TMCC3: variants seen among roughly 807,000 people sequenced by gnomAD.
The protein encoded by TMCC3 is transmembrane and coiled-coil domain protein 3.
Under a neutral mutation model 40.2 loss-of-function variants are expected in TMCC3, and 28 were observed. The observed-to-expected ratio is 0.70, with a 90% CI of 0.52 to 0.95. The LOEUF (loss-of-function observed/expected upper bound fraction) is 0.95, where lower values mean the gene tolerates loss of function less well. Ranked by LOEUF, TMCC3 falls within the 40% of genes least tolerant of loss-of-function variation. The pLI, the probability that TMCC3 is intolerant of heterozygous loss-of-function variation, is 0.00. For synonymous variants in TMCC3, 255 were observed against 248.5 expected (o/e 1.03, Z -0.25); for missense variants, 554 against 615.2 (o/e 0.90, Z 1.05).
At chr12:94,604,145 A>G (rs947519515) in intron 1 of TMCC3, among the ~76,000 whole-genome samples, 3 of 152,248 alleles carry the variant, frequency 2.0e-5, no homozygotes, top group African/African-American at 4.8e-5. Flanking sequence ...AAAATATGCA[A>G]TTTAGAATTC....
intron 1 of TMCC3, among the ~76,000 whole-genome samples, chr12:94,636,870 A>G (rs564051123): frequency 2.0e-5 from 3 of 152,366 alleles, no homozygotes; most frequent in East Asian, 3.9e-4. Context: ...CCCAAGCTTA[A>G]GAAGAGATTG....
intron 1 of TMCC3, among the ~76,000 whole-genome samples, chr12:94,621,045 A>AAT (rs1282647620): frequency 2.6e-5 from 4 of 152,204 alleles, no homozygotes; most frequent in African/African-American, 9.7e-5. Flanking sequence ...GGACACATTG[A>AAT]ATCTTCTGTA....
intron 1 of TMCC3, among the ~76,000 whole-genome samples, chr12:94,585,521 CCT>C (rs2068633116): frequency 1.3e-5 from 2 of 152,038 alleles, no homozygotes; most frequent in Admixed American, 1.3e-4. Context: ...ACGGTGAAAC[CCT>C]GTCTCTACTA....
chr12:94,590,260 A>AT (rs72186655), intron 1 of TMCC3, among the ~76,000 whole-genome samples: 7,062 of 85,262 alleles, frequency 0.083, 615 homozygotes, highest in African/African-American at 0.21. Flanking sequence ...CGCCCTGCTA[A>AT]TTTTTTTTTT....
intron 1 of TMCC3, among the ~76,000 whole-genome samples, chr12:94,628,702 T>C (rs1349087530): frequency 1.3e-5 from 2 of 152,208 alleles, no homozygotes; most frequent in Non-Finnish European, 2.9e-5. Context: ...CTGCCAGCTC[T>C]AAACTCATCC....
At position 94,570,610 on chromosome 12, in the gene TMCC3, T is replaced by A. The variant is rs1388443497; in HGVS notation, c.*825A>T. 1 of 152,580 alleles carries A rather than the reference T, an allele frequency of 6.6e-6. No homozygotes were observed. The highest frequency in any genetic ancestry group is 2.4e-5 in the African/African-American group (1 of 41,442). The allele number at this position is 152,580 out of a possible 1,614,324, so 9.5% of individuals were successfully genotyped here. On this transcript the variant is annotated 3_prime_UTR_variant, in exon 4 of 4. Transcript: ENST00000261226. ...CCTGTCTCAAAAAAGAAAAAAGATTTGCCAAAACACAAACCTTCAGAGTAG... is the reference window on the plus strand; with the variant it reads ...CCTGTCTCAAAAAAGAAAAAAGATTAGCCAAAACACAAACCTTCAGAGTAG...
At chr12:94,624,653 G>T (rs980462697) in intron 1 of TMCC3, among the ~76,000 whole-genome samples, 3 of 152,052 alleles carry the variant, frequency 2.0e-5, no homozygotes, top group Non-Finnish European at 2.9e-5. Flanking sequence ...GGCAGAGGTT[G>T]CAGTGAGCCG....
intron 1 of TMCC3, among the ~76,000 whole-genome samples, chr12:94,610,909 G>A (rs1330675830): frequency 1.3e-5 from 2 of 152,100 alleles, no homozygotes; most frequent in South Asian, 2.1e-4. Context: ...ATAGGACTGG[G>A]AATCTGCAGA....
chr12:94,625,074 C>G (rs919834946), intron 1 of TMCC3, among the ~76,000 whole-genome samples: 1 of 139,590 alleles, frequency 7.2e-6, no homozygotes, highest in African/African-American at 2.7e-5. Context: ...TCCGGGAGGC[C>G]AAGGTTGCAG....
Position 94,571,492 on chromosome 12 carries a change from A to G in TMCC3, c.1377T>C (p.Phe459=). ...ACAGGATATGGTCCCAGTTTTTACA[A>G]AATATAGCAAGAAGAGTCACGGCAA... ...TFFAVTLLAI[F]CKNWDHILCA... The change falls in exon 4 of 4, where the codon TTT becomes TTC. Residue 459 remains phenylalanine, a synonymous_variant. Coordinates refer to ENST00000261226, the MANE Select transcript of TMCC3 (RefSeq NM_020698.4). 1 of 1,614,050 alleles carries G rather than the reference A, an allele frequency of 6.2e-7. No homozygotes were observed. Among genetic ancestry groups the G allele is most frequent in the South Asian group, 1.1e-5 (1 of 91,078 alleles).
Position 94,582,084 on chromosome 12 carries a change from G to A in TMCC3, c.533C>T (p.Pro178Leu), listed in dbSNP as rs2068606549. Residue 178 changes from proline to leucine, a missense_variant, in exon 2 of 4, where the codon CCC becomes CTC. Transcript: ENST00000261226. The stretch of plus-strand genomic sequence containing the variant: ...CGATTTGCTGCTCTCCATGCAATGG[G>A]GGGCAGTTCGAGATTTCACGTGGGC... ...KDAHVKSRTAPHCMESSKSGM... is the reference protein window; with the variant it reads ...KDAHVKSRTALHCMESSKSGM... 6.2e-7 allele frequency: 1 copy of A among 1,614,174 alleles called. No individual in the cohort carries two copies. The highest frequency in any genetic ancestry group is 1.1e-5 in the South Asian group (1 of 91,076).
At chr12:94,583,200 G>T (rs2068617422) in intron 1 of TMCC3, among the ~76,000 whole-genome samples, 1 of 150,006 alleles carries the variant, frequency 6.7e-6, no homozygotes, top group African/African-American at 2.4e-5. Flanking sequence ...AAAAAAAAAG[G>T]CCGGGGGGTG....
At chr12:94,647,936 G>A (rs146220242) in intron 1 of TMCC3, among the ~76,000 whole-genome samples, 14 of 152,270 alleles carry the variant, frequency 9.2e-5, no homozygotes, top group Admixed American at 2.6e-4. Flanking sequence ...ATTCCTCGCT[G>A]TCTCAACAAT....
In TMCC3 at chr12:94,578,535, A is replaced by C. The variant is rs746158337; in HGVS notation, c.996-6T>G. ...GGTCCTCCAGTCGCTCATACCTTTA[A>C]AAGAGAGGAGCCGATTCCCAGTGTG... On this transcript the variant is annotated splice_polypyrimidine_tract_variant and splice_region_variant and intron_variant, in intron 2 of 3. Transcript: ENST00000261226. 3 of 1,612,038 alleles carry C rather than the reference A, an allele frequency of 1.9e-6. No individual in the cohort carries two copies. Among genetic ancestry groups the C allele is most frequent in the Non-Finnish European group, 2.5e-6 (3 of 1,178,770 alleles).
intron 1 of TMCC3, among the ~76,000 whole-genome samples, chr12:94,611,142 T>TAA (rs1254102466): frequency 6.6e-6 from 1 of 152,200 alleles, no homozygotes; most frequent in East Asian, 1.9e-4. Flanking sequence ...GGCATTTTTG[T>TAA]AACTCATCCT....
chr12:94,644,371 G>A, intron 1 of TMCC3: 1 of 985,350 alleles, frequency 1.0e-6, no homozygotes, highest in South Asian at 4.7e-5. Context: ...CATTTTCCAA[G>A]TAGGACTAGG....
intron 1 of TMCC3, among the ~76,000 whole-genome samples, chr12:94,588,864 C>A (rs2068654251): frequency 6.7e-6 from 1 of 150,022 alleles, no homozygotes; most frequent in African/African-American, 2.5e-5. Flanking sequence ...CACTCTGTCA[C>A]CCAGGTTGGA....
At chr12:94,585,782 C>T (rs915325033) in intron 1 of TMCC3, among the ~76,000 whole-genome samples, 2 of 152,206 alleles carry the variant, frequency 1.3e-5, no homozygotes, top group African/African-American at 4.8e-5. Context: ...CATTCTGTGA[C>T]ATGCCTGTTG....
chr12:94,619,166 G>A (rs928913886), intron 1 of TMCC3, among the ~76,000 whole-genome samples: 2 of 152,084 alleles, frequency 1.3e-5, no homozygotes, highest in Non-Finnish European at 2.9e-5. Context: ...CACTGGAGGT[G>A]GTGTTTAAAA....
Sources: allele counts gnomAD v4.1 joint callset (sites outside exome capture counted in the v4.1 genomes callset), GRCh38; gene constraint gnomAD v4.1.1; transcripts MANE v1.5; gene names NCBI Gene and HGNC (gene_info 2026-07-23, HGNC 2026-07-21).